The following CADPS variants were observed in gnomAD, a reference collection of about 807,000 sequenced individuals.
CADPS encodes calcium dependent secretion activator, also known as calcium-dependent secretion activator 1.
CADPS carries 57 observed loss-of-function variants against 167.3 expected under a neutral mutation model. The observed-to-expected ratio is 0.34, with a 90% CI of 0.28 to 0.42. CADPS has a LOEUF of 0.42. Ranked by LOEUF, CADPS falls within the 20% of genes least tolerant of loss-of-function variation. CADPS has a pLI of 1.00. For missense variants in CADPS, 1,414 were observed against 1,738.1 expected (o/e 0.81, Z 3.32); for synonymous variants, 676 against 635.3 (o/e 1.06, Z -0.96).
At position 62,849,504 on chromosome 3, in the gene CADPS, CA is replaced by C. The variant is rs2078132454; in HGVS notation, c.441+25084del. On this transcript the variant is annotated intron_variant, in intron 1 of 29. Transcript: ENST00000383710. ...AGCATGAAGGGTTGTTGAATTTTAT[CA>C]AAGGCTTTTTCTGCATCTATTGAGA... Among the ~76,000 whole-genome samples the C allele has an allele frequency of 4.4e-5, 5 of 112,398 alleles. 1 individual carries two copies. The highest frequency in any genetic ancestry group is 1.0e-4 in the African/African-American group (3 of 29,478). 73.7% of individuals were successfully genotyped at this position (112,398 alleles called of 152,430 possible). A position where few individuals can be genotyped will look rare whatever the true frequency, so the allele number is the denominator to read the frequency against.
intron 1 of CADPS, among the ~76,000 whole-genome samples, chr3:62,834,686 C>T (rs887051606): frequency 6.6e-6 from 1 of 152,174 alleles, no homozygotes; most frequent in Non-Finnish European, 1.5e-5. Context: ...AGTCCAGGCT[C>T]ACCAAGTATT....
chr3:62,718,024 TTAGAG>T (rs199956550), intron 3 of CADPS, among the ~76,000 whole-genome samples: 18 of 120,210 alleles, frequency 1.5e-4, no homozygotes, highest in South Asian at 5.7e-4. Context: ...AAGTCACATC[TTAGAG>T]TAATTTTTTT....
chr3:62,456,518 A>G (rs1225828283), intron 26 of CADPS, among the ~76,000 whole-genome samples: 1 of 152,204 alleles, frequency 6.6e-6, no homozygotes, highest in Non-Finnish European at 1.5e-5. Context: ...GTGAAAGACA[A>G]ACAAGCACCA....
chr3:62,720,392 G>A (rs2075548373), intron 3 of CADPS, among the ~76,000 whole-genome samples: 1 of 151,676 alleles, frequency 6.6e-6, no homozygotes, highest in South Asian at 2.1e-4. Flanking sequence ...CAGTGCAGTG[G>A]TAAGATCATA....
At chr3:62,873,762 G>T (rs556271264) in intron 1 of CADPS, among the ~76,000 whole-genome samples, 1 of 152,238 alleles carries the variant, frequency 6.6e-6, no homozygotes, top group African/African-American at 2.4e-5. Context: ...AGGGCTTGGA[G>T]GACCCAGGCG....
chr3:62,474,044 A>C, intron 24 of CADPS, 129 bp downstream of exon 24: 1 of 623,150 alleles, frequency 1.6e-6, no homozygotes, highest in African/African-American at 1.9e-5. Context: ...TCCATGGCTT[A>C]ATCCACAAAT....
intron 1 of CADPS, among the ~76,000 whole-genome samples, chr3:62,811,376 G>A (rs2094387074): frequency 6.6e-6 from 1 of 152,096 alleles, no homozygotes; most frequent in East Asian, 1.9e-4. Context: ...TTATCTGCTT[G>A]TCATTTCCAT....
chr3:62,638,496 C>T (rs2066777917), intron 6 of CADPS, among the ~76,000 whole-genome samples: 2 of 152,130 alleles, frequency 1.3e-5, no homozygotes, highest in African/African-American at 4.8e-5. Flanking sequence ...AAGTAATCTT[C>T]TCTGGCAAGG....
chr3:62,720,486 C>T (rs1054085436), intron 3 of CADPS, among the ~76,000 whole-genome samples: 13 of 152,002 alleles, frequency 8.6e-5, no homozygotes, highest in Non-Finnish European at 1.8e-4. Context: ...CATGCATGTA[C>T]CACACTCAGC....
chr3:62,738,721 C>T (rs151063413), intron 3 of CADPS, among the ~76,000 whole-genome samples: 3 of 151,818 alleles, frequency 2.0e-5, no homozygotes, highest in Admixed American at 6.6e-5. Flanking sequence ...AGTGAAACTC[C>T]GTCTCAAAAA....
intron 6 of CADPS, among the ~76,000 whole-genome samples, chr3:62,610,700 C>T (rs2061386381): frequency 6.6e-6 from 1 of 152,172 alleles, no homozygotes; most frequent in Non-Finnish European, 1.5e-5. Context: ...AAGATAACTA[C>T]TTAGAATCAT....
chr3:62,724,657 C>T (rs1307632783), intron 3 of CADPS, among the ~76,000 whole-genome samples: 1 of 152,154 alleles, frequency 6.6e-6, no homozygotes, highest in Non-Finnish European at 1.5e-5. Flanking sequence ...CAGTCTTTAC[C>T]TTCCTCATTT....
At chr3:62,739,814 T>C (rs2079815429) in intron 3 of CADPS, among the ~76,000 whole-genome samples, 1 of 152,166 alleles carries the variant, frequency 6.6e-6, no homozygotes, top group African/African-American at 2.4e-5. Flanking sequence ...AAACAGTGAA[T>C]GAAAGAGACA....
intron 10 of CADPS, 96 bp downstream of exon 10, chr3:62,557,301 ACTTAGTGC>A: frequency 1.3e-6 from 1 of 781,350 alleles, no homozygotes; most frequent in East Asian, 2.5e-5. Context: ...TAGTGAATTG[ACTTAGTGC>A]CTAGCATGGA....
In CADPS at chr3:62,398,832, T is replaced by G. The variant is rs1033197459; in HGVS notation, c.*574A>C. Reference sequence around the variant, plus strand: ...TTTTTTTTTTGGCTAATTATATGAGTAAATGAAAGGATGGGTTAACAACGA... The same window carrying G: ...TTTTTTTTTTGGCTAATTATATGAGGAAATGAAAGGATGGGTTAACAACGA... On this transcript the variant is annotated 3_prime_UTR_variant, in exon 30 of 30. Coordinates refer to ENST00000383710, the MANE Select transcript of CADPS (RefSeq NM_003716.4). The G allele has an allele frequency of 1.3e-5, 2 of 152,160 alleles. No homozygotes were observed. The highest frequency in any genetic ancestry group is 4.8e-5 in the African/African-American group (2 of 41,504). The allele number at this position is 152,160 out of a possible 1,614,324, so 9.4% of individuals were successfully genotyped here.
intron 3 of CADPS, among the ~76,000 whole-genome samples, chr3:62,739,610 A>C (rs1224471106): frequency 1.3e-5 from 2 of 152,160 alleles, no homozygotes; most frequent in Non-Finnish European, 2.9e-5. Flanking sequence ...TCCAGCTCCA[A>C]AATCTACTCA....
At chr3:62,499,860 T>C (rs1243202613) in intron 17 of CADPS, 1 of 152,286 alleles carries the variant, frequency 6.6e-6, no homozygotes, top group Non-Finnish European at 1.5e-5. Flanking sequence ...TAGGAGTAGA[T>C]TATTGAATGG....
intron 9 of CADPS, among the ~76,000 whole-genome samples, chr3:62,559,231 C>A (rs1280483613): frequency 6.6e-6 from 1 of 152,176 alleles, no homozygotes; most frequent in East Asian, 1.9e-4. Flanking sequence ...GAAGACAGGT[C>A]TAGGGAGTCA....
intron 6 of CADPS, among the ~76,000 whole-genome samples, chr3:62,618,826 A>T (rs2062732061): frequency 6.6e-6 from 1 of 152,190 alleles, no homozygotes; most frequent in Non-Finnish European, 1.5e-5. Context: ...TCCTTTATGT[A>T]TGTATTCATT....
Sources: allele counts gnomAD v4.1 joint callset (sites outside exome capture counted in the v4.1 genomes callset), GRCh38; gene constraint gnomAD v4.1.1; transcripts MANE v1.5; gene names NCBI Gene and HGNC (gene_info 2026-07-23, HGNC 2026-07-21).